CCDC7: variants seen among roughly 807,000 people sequenced by gnomAD.
The protein encoded by CCDC7 is coiled-coil domain-containing protein 7.
A neutral mutation model predicts 196.9 loss-of-function variants in CCDC7; 183 were observed. The ratio of observed to expected loss-of-function variants is 0.93; its 90% CI spans 0.82 to 1.05. The LOEUF (loss-of-function observed/expected upper bound fraction) is 1.05, where lower values mean the gene tolerates loss of function less well. CCDC7 is among the 50% of genes least tolerant of loss of function. The pLI, the probability that CCDC7 is intolerant of heterozygous loss-of-function variation, is 0.00. For synonymous variants in CCDC7, 525 were observed against 484.6 expected (o/e 1.08, Z -1.10); for missense variants, 1,540 against 1,482.2 (o/e 1.04, Z -0.64).
chr10:32,621,703 C>T (rs2063430637), intron 18 of CCDC7, among the ~76,000 whole-genome samples: 1 of 152,068 alleles, frequency 6.6e-6, no homozygotes, highest in Non-Finnish European at 1.5e-5. Context: ...AATCTGAAGG[C>T]CCAACAACCA....
intron 11 of CCDC7, among the ~76,000 whole-genome samples, chr10:32,518,968 A>C (rs2047471701): frequency 6.6e-6 from 1 of 152,154 alleles, no homozygotes; most frequent in Non-Finnish European, 1.5e-5. Context: ...ACTACAGACA[A>C]TAAAGTCAAA....
intron 8 of CCDC7, among the ~76,000 whole-genome samples, chr10:32,491,248 T>C (rs1051616227): frequency 5.9e-5 from 9 of 152,228 alleles, no homozygotes; most frequent in Middle Eastern, 3.2e-3. Context: ...TTCTATATTA[T>C]TTAACATTTT....
chr10:32,696,814 C>CT (rs1178151624), intron 24 of CCDC7, among the ~76,000 whole-genome samples: 1 of 152,006 alleles, frequency 6.6e-6, no homozygotes, highest in Non-Finnish European at 1.5e-5. Flanking sequence ...TCTCTTTTTG[C>CT]TTTTTTGTAG....
At chr10:32,684,089 T>C (rs2076185573) in intron 21 of CCDC7, among the ~76,000 whole-genome samples, 1 of 151,652 alleles carries the variant, frequency 6.6e-6, no homozygotes, top group Non-Finnish European at 1.5e-5. Flanking sequence ...AGTGATCAGG[T>C]TGGGGGGTGG....
At chr10:32,768,852 C>A (rs531585291) in intron 28 of CCDC7, among the ~76,000 whole-genome samples, 1 of 152,168 alleles carries the variant, frequency 6.6e-6, no homozygotes, top group Admixed American at 6.5e-5. Flanking sequence ...ATCCTTGAAT[C>A]CCTGGAATAA....
rs190728190 is a variant in CCDC7 at position 32,511,863 on chromosome 10, T to C, written c.873-6082T>C. The stretch of plus-strand genomic sequence containing the variant: ...GCTTTCCGATGATCTCACCAATGTA[T>C]AGCTTTTTATACACAAATTACATAC... On this transcript the variant is annotated intron_variant, in intron 9 of 41. Coordinates refer to ENST00000639629, the Ensembl canonical transcript of CCDC7. The C allele has an allele frequency of 6.5e-3, 4,183 of 643,350 alleles. 20 individuals are homozygous for C. Among genetic ancestry groups the C allele is most frequent in the Non-Finnish European group, 8.3e-3 (2,946 of 356,798 alleles). 39.9% of individuals were successfully genotyped at this position (643,350 alleles called of 1,614,324 possible).
intron 32 of CCDC7, among the ~76,000 whole-genome samples, chr10:32,829,080 C>G (rs948493734): frequency 2.6e-5 from 4 of 152,164 alleles, no homozygotes; most frequent in African/African-American, 9.7e-5. Flanking sequence ...AAGATGAATT[C>G]AGTCTACTAC....
chr10:32,634,740 C>T (rs989516955), intron 19 of CCDC7, among the ~76,000 whole-genome samples: 3 of 152,144 alleles, frequency 2.0e-5, no homozygotes, highest in Admixed American at 1.3e-4. Context: ...TTTTTCTTTG[C>T]ATCATGAATA....
At chr10:32,745,649 A>G (rs955085919) in intron 28 of CCDC7, among the ~76,000 whole-genome samples, 5 of 152,206 alleles carry the variant, frequency 3.3e-5, no homozygotes, top group South Asian at 2.1e-4. Context: ...TTGGTGATCC[A>G]GTTTCTACAT....
intron 28 of CCDC7, among the ~76,000 whole-genome samples, chr10:32,759,564 C>A (rs1038731048): frequency 3.3e-5 from 5 of 152,116 alleles, no homozygotes; most frequent in African/African-American, 1.2e-4. Flanking sequence ...AAACTGGATC[C>A]CTTCCTTACA....
chr10:32,710,869 T>G (rs2080704400), intron 24 of CCDC7, among the ~76,000 whole-genome samples: 1 of 152,148 alleles, frequency 6.6e-6, no homozygotes, highest in South Asian at 2.1e-4. Context: ...AAGGTAACAA[T>G]TAAGCCTTTA....
intron 13 of CCDC7, among the ~76,000 whole-genome samples, chr10:32,561,428 A>C (rs866942008): frequency 1.3e-5 from 2 of 152,214 alleles, no homozygotes; most frequent in Admixed American, 6.5e-5. Context: ...AATGTAAAAG[A>C]ACAGAAATTA....
intron 18 of CCDC7, among the ~76,000 whole-genome samples, chr10:32,629,013 G>A (rs966947765): frequency 1.6e-4 from 24 of 152,184 alleles, no homozygotes; most frequent in African/African-American, 5.3e-4. Context: ...TATTAGGTTC[G>A]CTTGATCTAA....
intron 28 of CCDC7, among the ~76,000 whole-genome samples, chr10:32,735,446 A>G (rs976735437): frequency 2.0e-5 from 3 of 152,078 alleles, no homozygotes; most frequent in Middle Eastern, 3.2e-3. Context: ...CTCATTGTTG[A>G]TTTAATTTAC....
intron 29 of CCDC7, among the ~76,000 whole-genome samples, chr10:32,779,449 G>A (rs2080680921): frequency 6.6e-6 from 1 of 152,178 alleles, no homozygotes. Flanking sequence ...AAGATGGAAA[G>A]ACAAATGGAA....
rs894044245 is a variant in CCDC7, at chr10:32,839,170, G to C, written c.3352+4272G>C. ...AACATTGAATGTAAATGACCTAAAT[G>C]CTGCACTTAAAAGATACAGAATGGC... On this transcript the variant is annotated intron_variant, in intron 33 of 41. Transcript: ENST00000639629. 2.0e-5 allele frequency among the ~76,000 whole-genome samples: 3 copies of C among 151,862 alleles called. No individual in the cohort carries two copies. In the South Asian group the frequency reaches 6.2e-4, roughly 32 times the overall value.
chr10:32,696,550 A>G lies in CCDC7; in HGVS notation c.2458+1558A>G, dbSNP rs78139272. 8.5e-3 allele frequency among the ~76,000 whole-genome samples: 1,290 copies of G among 152,048 alleles called. 7 individuals carry two copies. The highest frequency in any genetic ancestry group is 0.021 in the Middle Eastern group (6 of 292). ...GCTCTCTAATTCATTTCAAAATTCA[A>G]TGGTAGAAGAGGAGAGCAGCATTTG... On this transcript the variant is annotated intron_variant, in intron 24 of 41. Transcript: ENST00000639629.
intron 18 of CCDC7, among the ~76,000 whole-genome samples, chr10:32,597,299 A>G (rs2060487457): frequency 6.6e-6 from 1 of 152,138 alleles, no homozygotes; most frequent in South Asian, 2.1e-4. Context: ...ATGTTTCTTC[A>G]ATTTGATCAA....
chr10:32,737,867 G>A (rs2085131889), intron 28 of CCDC7, among the ~76,000 whole-genome samples: 1 of 152,006 alleles, frequency 6.6e-6, no homozygotes, highest in Non-Finnish European at 1.5e-5. Context: ...AGTTAGCATG[G>A]TATATCTTAC....
Sources: gnomAD v4.1 joint callset for allele counts (sites outside exome capture counted in the v4.1 genomes callset) on GRCh38, gnomAD v4.1.1 for gene constraint, MANE v1.5 for transcripts, NCBI Gene and HGNC (gene_info 2026-07-23, HGNC 2026-07-21) for gene names.